The following TMPRSS6 variants were observed in gnomAD, a reference collection of about 807,000 sequenced individuals.
TMPRSS6 encodes transmembrane protease serine 6.
In TMPRSS6, 67 loss-of-function variants were observed where a neutral mutation model predicts 101.5. That is an observed-to-expected ratio of 0.66 (90% CI 0.54 to 0.81). The LOEUF (loss-of-function observed/expected upper bound fraction) is 0.81, where lower values mean the gene tolerates loss of function less well. Among genes scored for constraint, TMPRSS6 ranks in the 30% least tolerant of loss-of-function variants. The pLI, the probability that TMPRSS6 is intolerant of heterozygous loss-of-function variation, is 0.00. For missense variants in TMPRSS6, 1,034 were observed against 1,088.7 expected (o/e 0.95, Z 0.71); for synonymous variants, 453 against 464.9 (o/e 0.97, Z 0.33).
intron 13 of TMPRSS6, among the ~76,000 whole-genome samples, chr22:37,072,668 GGATGGATGGAT>G (rs1927182311): frequency 1.4e-5 from 2 of 142,816 alleles, no homozygotes; most frequent in Admixed American, 6.8e-5. Context: ...GATGGATGAT[GGATGGATGGAT>G]GATGGATGGA....
chr22:37,078,052 TA>T (rs1367881274), intron 10 of TMPRSS6, among the ~76,000 whole-genome samples: 2 of 152,228 alleles, frequency 1.3e-5, no homozygotes, highest in Non-Finnish European at 2.9e-5. Context: ...TCTGTTTGTC[TA>T]TAAAGTTATC....
At chr22:37,080,466 G>T (rs57766544) in intron 10 of TMPRSS6, among the ~76,000 whole-genome samples, 3,753 of 152,326 alleles carry the variant, frequency 0.025, 147 homozygotes, top group African/African-American at 0.085. Flanking sequence ...TCCCTAAAGT[G>T]CCTTGTCTGA....
intron 13 of TMPRSS6, among the ~76,000 whole-genome samples, chr22:37,072,422 T>TGGG (rs1568999273): frequency 7.7e-6 from 1 of 130,448 alleles, no homozygotes; most frequent in African/African-American, 3.0e-5. Context: ...GGATGATGGA[T>TGGG]TGATGGATTG....
At chr22:37,100,723 C>T (rs1018212761) in intron 2 of TMPRSS6, among the ~76,000 whole-genome samples, 2 of 151,994 alleles carry the variant, frequency 1.3e-5, no homozygotes, top group Non-Finnish European at 2.9e-5. Flanking sequence ...AGGGAGAGGC[C>T]CAGGCTAGAA....
intron 2 of TMPRSS6, among the ~76,000 whole-genome samples, chr22:37,099,727 G>A (rs1488565538): frequency 6.6e-6 from 1 of 152,198 alleles, no homozygotes; most frequent in African/African-American, 2.4e-5. Flanking sequence ...GACGGGCTGC[G>A]ATATGGAGGT....
In TMPRSS6 at chr22:37,069,227, C is replaced by G; in HGVS notation, c.1959G>C (p.Glu653Asp). The part of the protein sequence containing the change: ...SRLLLHPYHE[E>D]DSHDYDVALL... ...GCGCCACGTCGTAGTCATGGCTGTC[C>G]TCTTCGTGGTACGGGTGCAGGAGCA... Residue 653 changes from glutamate to aspartate, a missense_variant, in exon 16 of 18, where the codon GAG (glutamate) becomes GAC (aspartate). Coordinates refer to ENST00000676104, the MANE Select transcript of TMPRSS6 (RefSeq NM_001374504.1). The surrounding 1 kb of genome is among the most constrained non-coding windows in gnomAD (Gnocchi z 4.8). 6.2e-7 allele frequency: 1 copy of G among 1,610,248 alleles called. No homozygotes were observed. The highest frequency in any genetic ancestry group is 8.5e-7 in the Non-Finnish European group (1 of 1,178,960).
At chr22:37,105,047 A>C (rs1226008774) in intron 1 of TMPRSS6, among the ~76,000 whole-genome samples, 2 of 152,178 alleles carry the variant, frequency 1.3e-5, no homozygotes, top group East Asian at 1.9e-4. Flanking sequence ...GATTTTACAC[A>C]GCGGGTTTCC....
At chr22:37,078,985 G>GA (rs1928018144) in intron 10 of TMPRSS6, among the ~76,000 whole-genome samples, 1 of 147,772 alleles carries the variant, frequency 6.8e-6, no homozygotes, top group Non-Finnish European at 1.5e-5. Flanking sequence ...AAGAAAGAAA[G>GA]AAAGAAAGAA....
At position 37,103,285 on chromosome 22, in the gene TMPRSS6, C is replaced by T. The variant is rs748519500; in HGVS notation, c.133G>A (p.Val45Met). The change falls in exon 2 of 18, where the codon GTG becomes ATG. Residue 45 changes from valine to methionine, a missense_variant. Transcript: ENST00000676104. This position sits in a 1 kb window ranked among gnomAD's most constrained non-coding sequence, Gnocchi z 4.4. ...KRKARGYLRL[V>M]PLFVLLALLV... ...AGGGCCAGCAGCACAAACAGGGGCACCAGGCGGAGGTAGCCCCGGGCTTTT... is the reference window on the plus strand; with the variant it reads ...AGGGCCAGCAGCACAAACAGGGGCATCAGGCGGAGGTAGCCCCGGGCTTTT... 6.2e-7 allele frequency: 1 copy of T among 1,614,158 alleles called. No homozygotes were observed. Among genetic ancestry groups the T allele is most frequent in the South Asian group, 1.1e-5 (1 of 91,088 alleles).
At chr22:37,100,095 G>A (rs1930173070) in intron 2 of TMPRSS6, among the ~76,000 whole-genome samples, 1 of 152,164 alleles carries the variant, frequency 6.6e-6, no homozygotes, top group South Asian at 2.1e-4. Context: ...AGCCTCGCAA[G>A]TAGCTGGGAT....
chr22:37,066,833 G>C lies in TMPRSS6; in HGVS notation c.2243C>G (p.Ala748Gly), dbSNP rs751254003. Residue 748 changes from alanine (A) to glycine (G), a missense_variant, in exon 17 of 18, where the codon GCC becomes GGC. Ala to Gly is a moderately conservative substitution (Grantham distance 60). Coordinates refer to ENST00000676104, the MANE Select transcript of TMPRSS6 (RefSeq NM_001374504.1). ...CATGCCCGGGGGACTCACCTGACAG[G>C]CATCCTTCTTGCCCTTGCGGTAGCC... The part of the protein sequence containing the change: ...CAGYRKGKKD[A>G]CQGDSGGPLV... 6.2e-7 allele frequency: 1 copy of C among 1,614,154 alleles called. No homozygotes were observed. Among genetic ancestry groups the C allele is most frequent in the Non-Finnish European group, 8.5e-7 (1 of 1,180,020 alleles).
chr22:37,076,620 C>T (rs564257839), intron 10 of TMPRSS6, among the ~76,000 whole-genome samples: 10 of 152,318 alleles, frequency 6.6e-5, no homozygotes, highest in Admixed American at 2.6e-4. Flanking sequence ...AAGTGGGCAG[C>T]GGCATGACTT....
rs560232466 is a variant in TMPRSS6, at chr22:37,103,385, G to A, written c.33C>T (p.Gly11=). 25 of 1,614,034 alleles carry A rather than the reference G, an allele frequency of 1.5e-5. No homozygotes were observed. The highest frequency in any genetic ancestry group is 4.4e-5 in the South Asian group (4 of 91,086). The change falls in exon 2 of 18, where the codon GGC becomes GGT. Residue 11 remains glycine (G), a synonymous_variant. Transcript: ENST00000676104. This position sits in a 1 kb window ranked among gnomAD's most constrained non-coding sequence, Gnocchi z 4.4. ...CGCCATCACCTCCGTCCCCCTGCCC[G>A]CCAGCCACCTGGGGGGCCTCGGCCA... MPVAEAPQVA[G]GQGDGGDGEE... is the part of the protein sequence containing the mutation.
chr22:37,102,849 C>T (rs921598276), intron 2 of TMPRSS6, among the ~76,000 whole-genome samples: 1 of 152,092 alleles, frequency 6.6e-6, no homozygotes, highest in Non-Finnish European at 1.5e-5. Flanking sequence ...TGGGTTGGCT[C>T]CAAGCCTCAG....
rs754990796 is a variant in TMPRSS6, at chr22:37,078,784, GAA to G, written c.1197-3506_1197-3505del. ...AAGAGAATGAGGAGAAGGAGGAGGA[GAA>G]GAAGAAGGAGGAGGAGGAAGAGGAG... On this transcript the variant is annotated intron_variant, in intron 10 of 17. Coordinates refer to ENST00000676104, the MANE Select transcript of TMPRSS6 (RefSeq NM_001374504.1). Among the ~76,000 whole-genome samples, 53 of 138,438 alleles carry G rather than the reference GAA, an allele frequency of 3.8e-4. 1 individual carries two copies. The highest frequency in any genetic ancestry group is 7.5e-4 in the Non-Finnish European group (49 of 65,640). 90.8% of individuals were successfully genotyped at this position (138,438 alleles called of 152,430 possible). A position where few individuals can be genotyped will look rare whatever the true frequency, so the allele number is the denominator to read the frequency against.
intron 7 of TMPRSS6, among the ~76,000 whole-genome samples, chr22:37,086,695 T>A (rs767809585): frequency 6.6e-6 from 1 of 152,054 alleles, no homozygotes; most frequent in South Asian, 2.1e-4. Flanking sequence ...AGTTTGATGA[T>A]GACGGCTGGC....
upstream of TMPRSS6, among the ~76,000 whole-genome samples, chr22:37,110,374 C>T (rs1456899736): frequency 6.6e-6 from 1 of 151,946 alleles, no homozygotes; most frequent in Non-Finnish European, 1.5e-5. Context: ...AACTCCTGAC[C>T]TCAAGTGATT....
At chr22:37,096,863 G>A in intron 3 of TMPRSS6, 148 bp from the exon 4 acceptor site, 3 of 798,976 alleles carry the variant, frequency 3.8e-6, no homozygotes, top group Non-Finnish European at 6.3e-6. Context: ...GTCACACAGT[G>A]CTGAGTGGCC....
intron 2 of TMPRSS6, among the ~76,000 whole-genome samples, chr22:37,100,969 G>T (rs2146179410): frequency 6.6e-6 from 1 of 152,368 alleles, no homozygotes; most frequent in South Asian, 2.1e-4. Context: ...CTGAGAAGTG[G>T]ACATTGGATT....
Sources: allele counts gnomAD v4.1 joint callset (sites outside exome capture counted in the v4.1 genomes callset), GRCh38; gene constraint gnomAD v4.1.1; non-coding constraint Gnocchi (gnomAD v3.1); transcripts MANE v1.5; gene names NCBI Gene and HGNC (gene_info 2026-07-23, HGNC 2026-07-21).